CDH3: variants seen among roughly 807,000 people sequenced by gnomAD.
CDH3 encodes the protein cadherin 3.
In CDH3, 54 loss-of-function variants were observed where a neutral mutation model predicts 82.0. That is an observed-to-expected ratio of 0.66 (90% CI 0.53 to 0.83). The LOEUF is 0.83. Ranked by LOEUF, CDH3 falls within the 40% of genes least tolerant of loss-of-function variation. CDH3 has a pLI of 0.00. For synonymous variants in CDH3, 446 were observed against 437.9 expected (o/e 1.02, Z -0.23); for missense variants, 1,054 against 1,084.6 (o/e 0.97, Z 0.40).
intron 2 of CDH3, among the ~76,000 whole-genome samples, chr16:68,675,383 G>C (rs771300816): frequency 1.5e-4 from 23 of 152,214 alleles, no homozygotes; most frequent in Non-Finnish European, 3.4e-4. Flanking sequence ...GCCCCTGGCA[G>C]ATTCCCTGAT....
rs1416294940 is a variant in CDH3, at chr16:68,674,446, T to C, written c.161-1939T>C. On this transcript the variant is annotated intron_variant, in intron 2 of 15. Transcript: ENST00000264012. The stretch of plus-strand genomic sequence containing the variant: ...GATATTAATCGTTTAGGATTCTTCT[T>C]TTTCGGCCAGGCATGGTGGCTCGTA... 2.0e-5 allele frequency among the ~76,000 whole-genome samples: 3 copies of C among 152,188 alleles called. No homozygotes were observed. The East Asian group carries it at 5.8e-4, about 29-fold the overall frequency.
At chr16:68,702,183 T>A (rs1024343543), downstream of CDH3, among the ~76,000 whole-genome samples, 3 of 152,108 alleles carry the variant, frequency 2.0e-5, no homozygotes, top group Non-Finnish European at 2.9e-5. Context: ...TGAGCCACTG[T>A]GCCCAGCCTA....
rs77592987 is a variant in CDH3, at chr16:68,682,422, G to A, written c.1117G>A (p.Asp373Asn). The A allele has an allele frequency of 3.1e-4, 494 of 1,614,120 alleles. No homozygotes were observed. In the African/African-American group the frequency reaches 5.8e-3, roughly 19 times the overall value. Reference protein sequence around the residue: ...RATYLIMGGDDGDHFTITTHP... With the variant: ...RATYLIMGGDNGDHFTITTHP... ...CACCTACCTTATCATGGGCGGTGAC[G>A]ACGGGGACCATTTTACCATCACCAC... The change falls in exon 9 of 16, where the codon GAC (aspartate) becomes AAC (asparagine). Residue 373 changes from aspartate (D) to asparagine (N), a missense_variant. Transcript: ENST00000264012.
At chr16:68,694,346 G>C in intron 13 of CDH3, among the ~76,000 whole-genome samples, 1 of 149,730 alleles carries the variant, frequency 6.7e-6, no homozygotes, top group Non-Finnish European at 1.5e-5. Flanking sequence ...TTCCGGCCAG[G>C]CGCAATGGCT....
At chr16:68,702,427 G>A (rs984957192), downstream of CDH3, among the ~76,000 whole-genome samples, 6 of 152,220 alleles carry the variant, frequency 3.9e-5, no homozygotes, top group Admixed American at 1.3e-4. Context: ...TCGTGGTCCC[G>A]GTTGAGATCA....
At chr16:68,688,076 C>T (rs1051091388) in intron 12 of CDH3, among the ~76,000 whole-genome samples, 1 of 151,340 alleles carries the variant, frequency 6.6e-6, no homozygotes, top group African/African-American at 2.4e-5. Context: ...TCCTGACTCT[C>T]GCTATGTGAC....
At chr16:68,648,665 G>A (rs1366258274) in intron 2 of CDH3, among the ~76,000 whole-genome samples, 4 of 151,924 alleles carry the variant, frequency 2.6e-5, no homozygotes, top group Admixed American at 1.3e-4. Context: ...TGCCCAGACT[G>A]GTCACAAACT....
At chr16:68,686,713 A>C in intron 11 of CDH3, 18 of 745,056 alleles carry the variant, frequency 2.4e-5, no homozygotes, top group Middle Eastern at 2.6e-4. Flanking sequence ...AATGGCATCA[A>C]CGTGAAGCTG....
At position 68,708,737 on chromosome 16, in the gene CDH3, G is replaced by A. The variant is rs796784715; in HGVS notation, c.99+12814G>A. Among the ~76,000 whole-genome samples the A allele has an allele frequency of 8.6e-5, 13 of 151,314 alleles. 1 individual carries two copies. The highest frequency in any genetic ancestry group is 2.2e-4 in the African/African-American group (9 of 41,204). On this transcript the variant is annotated intron_variant, in intron 1 of 2. Transcript: ENST00000569080. ...CAGCTCACTGAAACCTCCACCTCCC[G>A]GGTTCAGGCGATTCTCCTGCCTCAG...
chr16:68,671,314 G>C (rs1436085158), intron 2 of CDH3, among the ~76,000 whole-genome samples: 1 of 151,286 alleles, frequency 6.6e-6, no homozygotes, highest in African/African-American at 2.4e-5. Context: ...CACTTGCTAG[G>C]TTTGCCATAA....
intron 14 of CDH3, 38 bp from the exon 15 acceptor site, chr16:68,695,739 G>C: frequency 6.2e-7 from 1 of 1,612,126 alleles, no homozygotes; most frequent in South Asian, 1.1e-5. Flanking sequence ...TGGGGGACAG[G>C]AGTCCTCAGT....
At chr16:68,678,043 C>G in intron 3 of CDH3, 91 bp from the exon 4 acceptor site, 1 of 1,258,720 alleles carries the variant, frequency 7.9e-7, no homozygotes, top group Non-Finnish European at 1.2e-6. Flanking sequence ...GCTACCATGC[C>G]CAGCCACCCT....
At chr16:68,652,300 T>C (rs1028177738) in intron 2 of CDH3, among the ~76,000 whole-genome samples, 15 of 152,170 alleles carry the variant, frequency 9.9e-5, no homozygotes, top group African/African-American at 3.4e-4. Context: ...ACCAGTAGCT[T>C]GTGCCTGGGG....
chr16:68,714,061 G>A (rs1352903491), intron 1 of CDH3, among the ~76,000 whole-genome samples: 2 of 152,042 alleles, frequency 1.3e-5, no homozygotes, highest in Non-Finnish European at 2.9e-5. Context: ...AGCCTCCCAA[G>A]TAGCTGGGAT....
intron 3 of CDH3, 137 bp downstream of exon 3, chr16:68,676,607 G>A (rs928736577): frequency 2.8e-6 from 2 of 716,484 alleles, no homozygotes; most frequent in Non-Finnish European, 5.0e-6. Flanking sequence ...TTAGTCCTCA[G>A]CTGTCCACAG....
At chr16:68,665,660 G>T (rs1182429155) in intron 2 of CDH3, among the ~76,000 whole-genome samples, 1 of 152,142 alleles carries the variant, frequency 6.6e-6, no homozygotes, top group African/African-American at 2.4e-5. Context: ...TGATCACTGG[G>T]ATCTTTGTTC....
chr16:68,649,550 CT>C (rs1247919505), intron 2 of CDH3, among the ~76,000 whole-genome samples: 1 of 152,168 alleles, frequency 6.6e-6, no homozygotes, highest in Non-Finnish European at 1.5e-5. Context: ...AGTAATTTTT[CT>C]TTTTTTCTTA....
chr16:68,682,390 G>T lies in CDH3; in HGVS notation c.1085G>T (p.Trp362Leu). 1.2e-6 allele frequency: 2 copies of T among 1,614,060 alleles called. No individual in the cohort carries two copies. The highest frequency in any genetic ancestry group is 1.7e-6 in the Non-Finnish European group (2 of 1,180,032). The change falls in exon 9 of 16, where the codon TGG becomes TTG. Residue 362 changes from tryptophan (W) to leucine (L), a missense_variant. Trp to Leu is a moderately conservative substitution (Grantham distance 61). Transcript: ENST00000264012. ...CTGGACGCCCCCAACTCACCAGCGT[G>T]GCGTGCCACCTACCTTATCATGGGC... is the stretch of plus-strand genomic sequence containing the variant. ...TDLDAPNSPA[W>L]RATYLIMGGD...
Position 68,682,395 on chromosome 16 carries a change from G to T in CDH3, c.1090G>T (p.Ala364Ser). The change falls in exon 9 of 16, where the codon GCC becomes TCC. Residue 364 changes from alanine (A) to serine (S), a missense_variant. Ala to Ser is a moderately conservative substitution (Grantham distance 99, BLOSUM62 1). Coordinates refer to ENST00000264012, the MANE Select transcript of CDH3 (RefSeq NM_001793.6). Reference protein sequence around the residue: ...LDAPNSPAWRATYLIMGGDDG... With the variant: ...LDAPNSPAWRSTYLIMGGDDG... ...CGCCCCCAACTCACCAGCGTGGCGT[G>T]CCACCTACCTTATCATGGGCGGTGA... 1 of 1,614,064 alleles carries T rather than the reference G, an allele frequency of 6.2e-7. No individual in the cohort carries two copies. Among genetic ancestry groups the T allele is most frequent in the Non-Finnish European group, 8.5e-7 (1 of 1,180,018 alleles).
Sources: allele counts gnomAD v4.1 joint callset (sites outside exome capture counted in the v4.1 genomes callset), GRCh38; gene constraint gnomAD v4.1.1; transcripts MANE v1.5; gene names NCBI Gene and HGNC (gene_info 2026-07-23, HGNC 2026-07-21).